The following HMBOX1 variants were observed in gnomAD, a reference collection of about 807,000 sequenced individuals.
The protein encoded by HMBOX1 is homeobox-containing protein 1.
In HMBOX1, 14 loss-of-function variants were observed where a neutral mutation model predicts 54.5. That is an observed-to-expected ratio of 0.26 (90% CI 0.17 to 0.40). HMBOX1 has a LOEUF of 0.40. Ranked by LOEUF, HMBOX1 falls within the 10% of genes least tolerant of loss-of-function variation. The probability of loss-of-function intolerance (pLI) is 1.00; values close to 1 mark genes in which losing one functional copy is unlikely to be tolerated. For synonymous variants in HMBOX1, 160 were observed against 181.0 expected (o/e 0.88, Z 0.93); for missense variants, 332 against 514.4 (o/e 0.65, Z 3.43).
chr8:29,035,355 C>G (rs530788622), intron 6 of HMBOX1, among the ~76,000 whole-genome samples: 1 of 152,204 alleles, frequency 6.6e-6, no homozygotes, highest in East Asian at 1.9e-4. Flanking sequence ...TATAATTCAG[C>G]ACTTTTAAAA....
At position 28,963,875 on chromosome 8, in the gene HMBOX1, G is replaced by A. The variant is rs1826006617; in HGVS notation, c.8G>A (p.Ser3Asn). 3.7e-6 allele frequency: 6 copies of A among 1,602,314 alleles called. No individual in the cohort carries two copies. The East Asian group carries it at 1.1e-4, about 30-fold the overall frequency. ML[S>N]SFPVVLLETM... is the part of the protein sequence containing the mutation. ...ATCCGCCTCATGTAAAGTATGCTTA[G>A]TTCCTTTCCAGTGGTGTAAGTATCA... The change falls in exon 2 of 10, where the codon AGT (serine) becomes AAT (asparagine). Residue 3 changes from serine to asparagine, a missense_variant. Coordinates refer to ENST00000287701, the MANE Select transcript of HMBOX1 (RefSeq NM_001135726.3).
At chr8:29,014,389 T>A (rs1834686034) in intron 5 of HMBOX1, among the ~76,000 whole-genome samples, 1 of 152,126 alleles carries the variant, frequency 6.6e-6, no homozygotes, top group African/African-American at 2.4e-5. Context: ...TGTTCCTGCA[T>A]TCTAGTGTCT....
intron 4 of HMBOX1, among the ~76,000 whole-genome samples, chr8:28,995,485 G>A (rs1027190252): frequency 6.6e-6 from 1 of 152,094 alleles, no homozygotes; most frequent in African/African-American, 2.4e-5. Context: ...ATAAGTTTTC[G>A]AGTGGACAGA....
chr8:28,960,753 CTTTTTCTTTTTCTTTTT>C (rs1825342646), intron 1 of HMBOX1, among the ~76,000 whole-genome samples: 7 of 65,658 alleles, frequency 1.1e-4, no homozygotes, highest in East Asian at 4.1e-4. Context: ...TTCTCTTTTT[CTTTTTCTTTTTCTTTTT>C]TTTTTTTTTT....
chr8:28,994,245 ATAAGGT>A (rs1217739246), intron 4 of HMBOX1, among the ~76,000 whole-genome samples: 2 of 151,960 alleles, frequency 1.3e-5, no homozygotes, highest in African/African-American at 2.4e-5. Flanking sequence ...AATACACTAC[ATAAGGT>A]TAGAGTAAGT....
intron 1 of HMBOX1, among the ~76,000 whole-genome samples, chr8:28,914,935 A>G (rs968424443): frequency 3.3e-5 from 5 of 152,262 alleles, no homozygotes; most frequent in African/African-American, 1.2e-4. Context: ...AAAGGTGGCT[A>G]TAGAAGTACT....
intron 1 of HMBOX1, among the ~76,000 whole-genome samples, chr8:28,958,222 G>T (rs1824819520): frequency 6.6e-6 from 1 of 152,124 alleles, no homozygotes; most frequent in African/African-American, 2.4e-5. Context: ...TTGCCTCAGT[G>T]TCCTGAGCCG....
intron 1 of HMBOX1, among the ~76,000 whole-genome samples, chr8:28,962,615 C>A (rs2132267138): frequency 6.6e-6 from 1 of 152,256 alleles, no homozygotes; most frequent in East Asian, 1.9e-4. Flanking sequence ...CTCATAATTT[C>A]TTTTCACTGT....
chr8:28,993,591 A>G (rs986421755), intron 4 of HMBOX1, among the ~76,000 whole-genome samples: 1 of 152,214 alleles, frequency 6.6e-6, no homozygotes, highest in Non-Finnish European at 1.5e-5. Flanking sequence ...GTTGTAAGGT[A>G]TGGATGGAAG....
rs142034196 is a variant in HMBOX1, at chr8:28,912,637, C to T, written c.-58+21959C>T. 4.7e-3 allele frequency among the ~76,000 whole-genome samples: 723 copies of T among 152,250 alleles called. 2 individuals are homozygous for T. The highest frequency in any genetic ancestry group is 0.017 in the African/African-American group (686 of 41,536). On this transcript the variant is annotated intron_variant, in intron 1 of 9. Coordinates refer to ENST00000287701, the MANE Select transcript of HMBOX1 (RefSeq NM_001135726.3). ...CTTCTTTATGAAACACTTGCTTCTGCGGCTTCTTTGATACTTCTGTGTTTT... is the reference window on the plus strand; with the variant it reads ...CTTCTTTATGAAACACTTGCTTCTGTGGCTTCTTTGATACTTCTGTGTTTT...
intron 1 of HMBOX1, chr8:28,949,993 T>C (rs1823125706): frequency 6.6e-6 from 1 of 152,206 alleles, no homozygotes; most frequent in Non-Finnish European, 1.5e-5. Flanking sequence ...TATGAGTTAC[T>C]TTCACCAATA....
intron 1 of HMBOX1, among the ~76,000 whole-genome samples, chr8:28,924,397 C>G (rs890211911): frequency 6.6e-6 from 1 of 151,740 alleles, no homozygotes; most frequent in Non-Finnish European, 1.5e-5. Context: ...TGTGAGCCAC[C>G]ATGCCCGGCC....
At chr8:28,990,621 C>A (rs1235497450) in intron 4 of HMBOX1, among the ~76,000 whole-genome samples, 1 of 151,920 alleles carries the variant, frequency 6.6e-6, no homozygotes, top group Non-Finnish European at 1.5e-5. Context: ...TTCCTGTGTT[C>A]TTTCTATTTT....
intron 2 of HMBOX1, among the ~76,000 whole-genome samples, chr8:28,967,887 C>T (rs1330216227): frequency 6.6e-6 from 1 of 152,138 alleles, no homozygotes; most frequent in Admixed American, 6.5e-5. Flanking sequence ...GATACTGTGG[C>T]CCATGGGCAC....
chr8:28,923,436 A>G (rs1415055384), intron 1 of HMBOX1, among the ~76,000 whole-genome samples: 3 of 152,242 alleles, frequency 2.0e-5, no homozygotes, highest in East Asian at 1.9e-4. Context: ...GGATATTGCT[A>G]TGAAATAAGA....
intron 1 of HMBOX1, among the ~76,000 whole-genome samples, chr8:28,899,317 G>A (rs1204035740): frequency 6.6e-6 from 1 of 152,104 alleles, no homozygotes; most frequent in African/African-American, 2.4e-5. Context: ...ATTGAATAAA[G>A]AAGCTCTTAT....
At chr8:28,926,304 T>TATATATACACAC (rs796953426) in intron 1 of HMBOX1, among the ~76,000 whole-genome samples, 3 of 142,138 alleles carry the variant, frequency 2.1e-5, no homozygotes, top group African/African-American at 7.9e-5. Context: ...TATATATATA[T>TATATATACACAC]ACACACACAC....
chr8:28,917,453 T>C (rs1315726821), intron 1 of HMBOX1, among the ~76,000 whole-genome samples: 1 of 152,192 alleles, frequency 6.6e-6, no homozygotes, highest in South Asian at 2.1e-4. Flanking sequence ...GAGTTTTTTT[T>C]CTAGAAACCT....
At chr8:28,975,969 C>A (rs1040876303) in intron 3 of HMBOX1, among the ~76,000 whole-genome samples, 2 of 151,924 alleles carry the variant, frequency 1.3e-5, no homozygotes, top group Non-Finnish European at 2.9e-5. Context: ...GAATGAGGGT[C>A]GGGGGTGATG....
Sources: gnomAD v4.1 joint callset for allele counts (sites outside exome capture counted in the v4.1 genomes callset) on GRCh38, gnomAD v4.1.1 for gene constraint, MANE v1.5 for transcripts, NCBI Gene and HGNC (gene_info 2026-07-23, HGNC 2026-07-21) for gene names.